Variants in LIMS2 observed in about 807,000 individuals in gnomAD.
LIMS2 encodes the protein LIM and senescent cell antigen-like-containing domain protein 2.
A neutral mutation model predicts 45.3 loss-of-function variants in LIMS2; 30 were observed. The ratio of observed to expected loss-of-function variants is 0.66; its 90% CI spans 0.50 to 0.90. The LOEUF (loss-of-function observed/expected upper bound fraction) is 0.90. LIMS2 is among the 40% of genes least tolerant of loss of function. The pLI is 0.00. For synonymous variants in LIMS2, 173 were observed against 188.0 expected, an observed-to-expected ratio of 0.92 and a Z score of 0.65; for missense variants, 485 against 468.7, an observed-to-expected ratio of 1.03 and a Z score of -0.32.
rs369228922 is a variant in LIMS2 at position 127,654,916 on chromosome 2, A to G, written c.172-20T>C. The G allele has an allele frequency of 1.9e-6, 3 of 1,611,698 alleles. No individual in the cohort carries two copies. The South Asian group carries it at 3.3e-5, about 18-fold the overall frequency. ...TTCAAACTGCAAAGGGGTCGCAGAG[A>G]GAGGACAAGCAAACCACCTATCATC... is the stretch of plus-strand genomic sequence containing the variant. On this transcript the variant is annotated intron_variant, in intron 2 of 9. Coordinates refer to ENST00000355119, the MANE Select transcript of LIMS2 (RefSeq NM_001161403.3).
chr2:127,654,964 G>A (rs1412288115), intron 2 of LIMS2, 68 bp from the exon 3 acceptor site: 3 of 1,445,242 alleles, frequency 2.1e-6, no homozygotes, highest in Non-Finnish European at 2.9e-6. Context: ...CCAGGCCCTT[G>A]TTGGGTCAGG....
At chr2:127,651,822 G>A (rs1683835019) in intron 4 of LIMS2, 2 of 1,463,240 alleles carry the variant, frequency 1.4e-6, no homozygotes, top group Non-Finnish European at 1.9e-6. Context: ...AGAGGCATCT[G>A]CCCTTTCCCC....
In LIMS2 at chr2:127,657,454, G is replaced by A. The variant is rs1277885382; in HGVS notation, c.120C>T (p.Cys40=). ...GCCGGAAGCACTGGGCACACACGAA[G>A]CAGTGCTCATGGTACAGCTCCCCAT... is the stretch of plus-strand genomic sequence containing the variant. ...NSNGELYHEH[C]FVCAQCFRPF... Residue 40 remains cysteine, a synonymous_variant, in exon 2 of 10, where the codon TGC becomes TGT. Coordinates refer to ENST00000355119, the MANE Select transcript of LIMS2 (RefSeq NM_001161403.3). The A allele has an allele frequency of 1.2e-6, 2 of 1,613,770 alleles. No homozygotes were observed. The highest frequency in any genetic ancestry group is 2.2e-5 in the East Asian group (1 of 44,896).
chr2:127,665,569 A>G (rs543467600), intron 1 of LIMS2, among the ~76,000 whole-genome samples: 1 of 152,212 alleles, frequency 6.6e-6, no homozygotes, highest in South Asian at 2.1e-4. Context: ...ATAGTTTTTA[A>G]AGGTGGCCCC....
chr2:127,679,277 G>T (rs577322948), upstream of LIMS2, among the ~76,000 whole-genome samples: 15 of 152,186 alleles, frequency 9.9e-5, no homozygotes, highest in South Asian at 1.5e-3. The surrounding 1 kb of genome is among the most constrained non-coding windows in gnomAD (Gnocchi z 5.3). Context: ...CAGTGCCCCT[G>T]GGGGGAGAAT....
Position 127,675,055 on chromosome 2 carries a change from GGGGTTGCCGC to G in LIMS2, c.-41_-32del, listed in dbSNP as rs1251547935. 2 of 1,025,716 alleles carry G rather than the reference GGGGTTGCCGC, an allele frequency of 1.9e-6. No individual in the cohort carries two copies. The highest frequency in any genetic ancestry group is 1.2e-6 in the Non-Finnish European group (1 of 808,570). The allele number at this position is 1,025,716 out of a possible 1,614,324, so 63.5% of individuals were successfully genotyped here. Reference sequence around the variant, plus strand: ...CAGCGACGCCGAGCCCTGGGTTGCCGGGGTTGCCGCGGGTCTCCCTCTGCTGCTGCAGCCG... The same window carrying G: ...CAGCGACGCCGAGCCCTGGGTTGCCGGGGTCTCCCTCTGCTGCTGCAGCCG... On this transcript the variant is annotated 5_prime_UTR_variant, in exon 1 of 10. Coordinates refer to ENST00000355119, the MANE Select transcript of LIMS2 (RefSeq NM_001161403.3).
Position 127,654,904 on chromosome 2 carries a change from G to A in LIMS2, c.172-8C>T. The A allele has an allele frequency of 1.2e-6, 2 of 1,613,532 alleles. No individual in the cohort carries two copies. The highest frequency in any genetic ancestry group is 1.1e-5 in the South Asian group (1 of 90,990). On this transcript the variant is annotated splice_polypyrimidine_tract_variant and splice_region_variant and intron_variant, in intron 2 of 9. Transcript: ENST00000355119. ...GTACTTCCGGCCTTCAAACTGCAAA[G>A]GGGTCGCAGAGAGAGGACAAGCAAA...
chr2:127,651,171 C>T (rs1276521922), intron 4 of LIMS2: 4 of 1,612,474 alleles, frequency 2.5e-6, no homozygotes, highest in Non-Finnish European at 3.4e-6. Context: ...CCGCAGGCCC[C>T]TCTACGCACA....
intron 4 of LIMS2, among the ~76,000 whole-genome samples, chr2:127,649,703 G>A (rs1683502324): frequency 1.3e-5 from 2 of 152,140 alleles, no homozygotes; most frequent in Admixed American, 1.3e-4. Context: ...TCTGCTGAGG[G>A]TGGGGAGCAC....
Position 127,654,558 on chromosome 2 carries a change from G to C in LIMS2, c.239-14C>G, listed in dbSNP as rs1328423682. 5 of 1,613,976 alleles carry C rather than the reference G, an allele frequency of 3.1e-6. No individual in the cohort carries two copies. Among genetic ancestry groups the C allele is most frequent in the Non-Finnish European group, 3.4e-6 (4 of 1,179,994 alleles). On this transcript the variant is annotated splice_polypyrimidine_tract_variant and intron_variant, in intron 3 of 9. Coordinates refer to ENST00000355119, the MANE Select transcript of LIMS2 (RefSeq NM_001161403.3). ...TGATGAACTCACCTGGAAGAAGACA[G>C]GTCCCTGCTGGCTGGGGAGCACGTG...
rs148177510 is a variant in LIMS2, at chr2:127,650,958, G to A, written c.359+3466C>T. 3.5e-4 allele frequency: 560 copies of A among 1,613,886 alleles called. 1 individual carries two copies. Among genetic ancestry groups the A allele is most frequent in the East Asian group, 4.5e-4 (20 of 44,884 alleles). The stretch of plus-strand genomic sequence containing the variant: ...CAACGTGTTCCTGATGCATCTGGCC[G>A]TGGCCGACTTGTCGTGCGTGCTGGT... On this transcript the variant is annotated intron_variant, in intron 4 of 9. Transcript: ENST00000355119.
rs181922640 is a variant in LIMS2, at chr2:127,669,996, C to T, written c.11+5018G>A. Reference sequence around the variant, plus strand: ...CAATAACAAGCATCAGCAAGGATGTCGGGAAATTGGAACCTTCATACATTC... The same window carrying T: ...CAATAACAAGCATCAGCAAGGATGTTGGGAAATTGGAACCTTCATACATTC... On this transcript the variant is annotated intron_variant, in intron 1 of 9. Coordinates refer to ENST00000355119, the MANE Select transcript of LIMS2 (RefSeq NM_001161403.3). Among the ~76,000 whole-genome samples the T allele has an allele frequency of 2.4e-3, 369 of 152,196 alleles. 1 individual carries two copies. Among genetic ancestry groups the T allele is most frequent in the African/African-American group, 8.5e-3 (353 of 41,534 alleles).
chr2:127,643,051 G>T lies in LIMS2; in HGVS notation c.381C>A (p.His127Gln). The T allele has an allele frequency of 6.3e-7, 1 of 1,584,802 alleles. No homozygotes were observed. The highest frequency in any genetic ancestry group is 1.2e-5 in the South Asian group (1 of 86,756). ...NAGRHLCRPC[H>Q]NREKAKGLGK... ...CCAGGCCCTTGGCCTTCTCACGGTT[G>T]TGGCAAGGCCGGCAGAGATGCCTGC... is the stretch of plus-strand genomic sequence containing the variant. Residue 127 changes from histidine to glutamine, a missense_variant, in exon 5 of 10, where the codon CAC (histidine) becomes CAA (glutamine). Physicochemically the swap from His to Gln is conservative, Grantham distance 24. Transcript: ENST00000355119.
chr2:127,660,770 C>T (rs1299721507), intron 1 of LIMS2, among the ~76,000 whole-genome samples: 2 of 152,238 alleles, frequency 1.3e-5, no homozygotes, highest in Non-Finnish European at 2.9e-5. Context: ...CTGACAGCAG[C>T]CTGGCCACAC....
At chr2:127,675,974 C>T (rs181177676), upstream of LIMS2, among the ~76,000 whole-genome samples, 23 of 152,340 alleles carry the variant, frequency 1.5e-4, no homozygotes, top group African/African-American at 5.5e-4. Context: ...CCAGGGGAAC[C>T]AGGCACGCCT....
intron 1 of LIMS2, among the ~76,000 whole-genome samples, chr2:127,661,999 G>C (rs889347782): frequency 2.0e-5 from 3 of 152,168 alleles, no homozygotes; most frequent in Non-Finnish European, 4.4e-5. Context: ...GTGTGTGTAA[G>C]GATCTGGGAA....
intron 2 of LIMS2, 81 bp from the exon 3 acceptor site, chr2:127,654,977 C>T (rs938971399): frequency 3.0e-6 from 4 of 1,333,906 alleles, no homozygotes; most frequent in Non-Finnish European, 4.2e-6. Flanking sequence ...GGGTCAGGAC[C>T]TGACAGCAGG....
Position 127,639,351 on chromosome 2 carries a change from C to T in LIMS2, c.956G>A (p.Arg319Gln), listed in dbSNP as rs777045843. ...YEKFPLELKK[R>Q]LKKLSELTSR... ...GGTCAGCTCCGACAGCTTCTTCAGCCGCTTCTTCAGCTCCAGCGGGAACTT... is the reference window on the plus strand; with the variant it reads ...GGTCAGCTCCGACAGCTTCTTCAGCTGCTTCTTCAGCTCCAGCGGGAACTT... Residue 319 changes from arginine (R) to glutamine (Q), a missense_variant, in exon 10 of 10, where the codon CGG becomes CAG. Transcript: ENST00000355119. The T allele has an allele frequency of 9.3e-6, 15 of 1,613,824 alleles. No homozygotes were observed. The East Asian group carries it at 2.5e-4, about 26-fold the overall frequency.
intron 4 of LIMS2, chr2:127,648,306 G>T (rs1683220446): frequency 1.9e-6 from 1 of 518,074 alleles, no homozygotes; most frequent in Non-Finnish European, 2.5e-6. Context: ...CCTGCCTAGA[G>T]AAATAGCTAA....
Sources: gnomAD v4.1 joint callset for allele counts (sites outside exome capture counted in the v4.1 genomes callset) on GRCh38, gnomAD v4.1.1 for gene constraint, Gnocchi (gnomAD v3.1) non-coding constraint, MANE v1.5 for transcripts, NCBI Gene and HGNC (gene_info 2026-07-23, HGNC 2026-07-21) for gene names.